RPRD2: variants seen among roughly 807,000 people sequenced by gnomAD.
The protein encoded by RPRD2 is regulation of nuclear pre-mRNA domain containing 2.
A neutral mutation model predicts 104.4 loss-of-function variants in RPRD2; 12 were observed. The ratio of observed to expected loss-of-function variants is 0.11; its 90% CI spans 0.07 to 0.19. The LOEUF (loss-of-function observed/expected upper bound fraction) is 0.19. Among genes scored for constraint, RPRD2 ranks in the 10% least tolerant of loss-of-function variants. The pLI is 1.00. For missense variants in RPRD2, 1,543 were observed against 1,790.1 expected, an observed-to-expected ratio of 0.86 and a Z score of 2.49; for synonymous variants, 714 against 684.9, an observed-to-expected ratio of 1.04 and a Z score of -0.66.
intron 1 of RPRD2, among the ~76,000 whole-genome samples, chr1:150,415,394 G>C (rs11588221): frequency 0.082 from 12,454 of 151,698 alleles, 681 homozygotes; most frequent in Non-Finnish European, 0.12. Flanking sequence ...TACAAGAAGC[G>C]AGGATAAGCC....
At chr1:150,443,856 A>C (rs587682222) in intron 5 of RPRD2, among the ~76,000 whole-genome samples, 3 of 151,894 alleles carry the variant, frequency 2.0e-5, no homozygotes, top group Admixed American at 6.6e-5. Context: ...ATTAAAAAAA[A>C]AAAAAACAAA....
intron 1 of RPRD2, among the ~76,000 whole-genome samples, chr1:150,392,547 G>A (rs1662170117): frequency 6.6e-6 from 1 of 152,140 alleles, no homozygotes; most frequent in Non-Finnish European, 1.5e-5. Flanking sequence ...GCCACTAGAA[G>A]GGGGAGAACA....
intron 2 of RPRD2, among the ~76,000 whole-genome samples, chr1:150,422,368 A>AATAATAATAAT (rs1226427352): frequency 1.2e-5 from 1 of 82,116 alleles, no homozygotes; most frequent in African/African-American, 4.5e-5. Flanking sequence ...TAATAATAAT[A>AATAATAATAAT]AATAAAATTA....
chr1:150,417,910 T>TCTTTTTCTC (rs1553888887), intron 2 of RPRD2, among the ~76,000 whole-genome samples, 185 bp downstream of exon 2: 2 of 150,592 alleles, frequency 1.3e-5, no homozygotes, highest in South Asian at 2.1e-4. Flanking sequence ...TCTTTTCTTT[T>TCTTTTTCTC]TCTCTCTCTC....
chr1:150,401,945 GTTTTTTTTTTTAATT>G lies in RPRD2; in HGVS notation c.206-15631_206-15617del, dbSNP rs1331351929. On this transcript the variant is annotated intron_variant, in intron 1 of 10. Transcript: ENST00000369068. ...GGCGTGAGCCACCGTGCCCAGTGGGGTTTTTTTTTTTAATTTTTTTTTTTTTAATTTTTTGAGACA... is the reference window on the plus strand; with the variant it reads ...GGCGTGAGCCACCGTGCCCAGTGGGGTTTTTTTTTTTAATTTTTTGAGACA... 1.2e-4 allele frequency among the ~76,000 whole-genome samples: 17 copies of G among 137,348 alleles called. 1 individual carries two copies. In the East Asian group the frequency reaches 1.3e-3, roughly 10 times the overall value. 90.1% of individuals were successfully genotyped at this position (137,348 alleles called of 152,430 possible). A position where few individuals can be genotyped will look rare whatever the true frequency, so the allele number is the denominator to read the frequency against.
intron 2 of RPRD2, among the ~76,000 whole-genome samples, chr1:150,420,741 G>A (rs1407642257): frequency 5.9e-5 from 9 of 152,154 alleles, no homozygotes; most frequent in Non-Finnish European, 1.2e-4. Flanking sequence ...CACAAGAATC[G>A]CTTGAACCTG....
At chr1:150,394,608 T>A (rs587740521) in intron 1 of RPRD2, among the ~76,000 whole-genome samples, 1 of 151,968 alleles carries the variant, frequency 6.6e-6, no homozygotes, top group Non-Finnish European at 1.5e-5. Flanking sequence ...TGTTTTTGTT[T>A]TGAGACGAAG....
intron 4 of RPRD2, among the ~76,000 whole-genome samples, chr1:150,442,401 C>T (rs1453948308): frequency 1.3e-5 from 2 of 152,088 alleles, no homozygotes; most frequent in South Asian, 2.1e-4. Context: ...CCAAATTAGA[C>T]ATGGACCTCA....
At chr1:150,456,916 A>G (rs1290609055) in intron 7 of RPRD2, among the ~76,000 whole-genome samples, 1 of 137,756 alleles carries the variant, frequency 7.3e-6, no homozygotes, top group Non-Finnish European at 1.5e-5. Context: ...CAAGAGCGAA[A>G]TTCCTTCTCA....
rs562476167 is a variant in RPRD2, at chr1:150,387,567, C to CTTTTTTT, written c.205+22683_205+22689dup. Among the ~76,000 whole-genome samples, 170 of 73,738 alleles carry CTTTTTTT rather than the reference C, an allele frequency of 2.3e-3. 25 individuals are homozygous for CTTTTTTT. The highest frequency in any genetic ancestry group is 3.6e-3 in the East Asian group (7 of 1,960). The allele number at this position is 73,738 out of a possible 152,430, so 48.4% of individuals were successfully genotyped here. On this transcript the variant is annotated intron_variant, in intron 1 of 10. Coordinates refer to ENST00000369068, the MANE Select transcript of RPRD2 (RefSeq NM_015203.5). The stretch of plus-strand genomic sequence containing the variant: ...AAATCTTACAGAAGTTGCAACAGAC[C>CTTTTTTT]TTTTTTTTTTTTTTTTTTTTTTTTT...
At chr1:150,371,687 A>G (rs1180365828) in intron 1 of RPRD2, among the ~76,000 whole-genome samples, 4 of 152,216 alleles carry the variant, frequency 2.6e-5, no homozygotes, top group African/African-American at 9.7e-5. Context: ...AGGTTAAGTA[A>G]CTTGCCCGTG....
intron 1 of RPRD2, among the ~76,000 whole-genome samples, chr1:150,387,454 T>TTG (rs1226785190): frequency 6.6e-6 from 1 of 151,950 alleles, no homozygotes; most frequent in Non-Finnish European, 1.5e-5. Context: ...AGGAGCATGA[T>TTG]TGTACTGGGT....
At chr1:150,441,693 G>A (rs117050206) in intron 3 of RPRD2, 188 bp from the exon 4 acceptor site, 33 of 446,618 alleles carry the variant, frequency 7.4e-5, no homozygotes, top group Admixed American at 5.3e-4. Context: ...GATAAAAATC[G>A]TGTTTATTTG....
intron 9 of RPRD2, among the ~76,000 whole-genome samples, chr1:150,463,329 A>G (rs782615085): frequency 1.3e-5 from 2 of 152,194 alleles, no homozygotes; most frequent in African/African-American, 2.4e-5. Flanking sequence ...CAGTGAGACC[A>G]TATCTCAAAA....
intron 2 of RPRD2, among the ~76,000 whole-genome samples, 195 bp downstream of exon 2, chr1:150,417,920 C>CTT (rs1553888901): frequency 1.4e-5 from 2 of 141,634 alleles, no homozygotes; most frequent in Non-Finnish European, 3.2e-5. Context: ...TTCTCTCTCT[C>CTT]TCTTTCTTTC....
intron 1 of RPRD2, among the ~76,000 whole-genome samples, chr1:150,378,655 T>C (rs1399805062): frequency 6.6e-6 from 1 of 152,160 alleles, no homozygotes; most frequent in Admixed American, 6.6e-5. Context: ...AAATTTTTGT[T>C]TTACAAAATA....
intron 1 of RPRD2, among the ~76,000 whole-genome samples, chr1:150,373,376 A>G (rs141907169): frequency 1.8e-4 from 27 of 152,258 alleles, no homozygotes; most frequent in African/African-American, 5.1e-4. Flanking sequence ...TTAGATGGCT[A>G]TTGTAATCCA....
intron 1 of RPRD2, among the ~76,000 whole-genome samples, chr1:150,387,297 G>A (rs1661637957): frequency 6.6e-6 from 1 of 152,164 alleles, no homozygotes; most frequent in South Asian, 2.1e-4. Context: ...AGTGTGTTAA[G>A]TGAGAAGAGA....
chr1:150,421,386 T>C (rs1301039122), intron 2 of RPRD2, among the ~76,000 whole-genome samples: 1 of 152,174 alleles, frequency 6.6e-6, no homozygotes, highest in African/African-American at 2.4e-5. Flanking sequence ...AATGAAGATA[T>C]ATAGGGTTTT....
Sources: allele counts gnomAD v4.1 joint callset (sites outside exome capture counted in the v4.1 genomes callset), GRCh38; gene constraint gnomAD v4.1.1; transcripts MANE v1.5; gene names NCBI Gene and HGNC (gene_info 2026-07-23, HGNC 2026-07-21).